SP2: variants seen among roughly 807,000 people sequenced by gnomAD.
SP2 encodes transcription factor Sp2.
Under a neutral mutation model 50.1 loss-of-function variants are expected in SP2, and 9 were observed. The observed-to-expected ratio is 0.18, with a 90% CI of 0.11 to 0.31. The LOEUF (loss-of-function observed/expected upper bound fraction) is 0.31. Ranked by LOEUF, SP2 falls within the 10% of genes least tolerant of loss-of-function variation. SP2 has a pLI of 1.00. For synonymous variants in SP2, 313 were observed against 326.6 expected, an observed-to-expected ratio of 0.96 and a Z score of 0.45; for missense variants, 581 against 806.5, an observed-to-expected ratio of 0.72 and a Z score of 3.39.
chr17:47,896,242 T>TCGGTGGCGG lies in SP2; in HGVS notation c.-41_-33dup, dbSNP rs1249396077. ...TTGCTTGGCGGGCGGTGTCAGGCTC[T>TCGGTGGCGG]CGGTGGCGGCGGAGGCGGCGGAGGC... On this transcript the variant is annotated 5_prime_UTR_variant, in exon 1 of 7. Transcript: ENST00000376741. The TCGGTGGCGG allele has an allele frequency of 2.4e-6, 3 of 1,239,198 alleles. No individual in the cohort carries two copies. The highest frequency in any genetic ancestry group is 1.5e-5 in the African/African-American group (1 of 64,580). The allele number at this position is 1,239,198 out of a possible 1,614,324, so 76.8% of individuals were successfully genotyped here.
Position 47,920,146 on chromosome 17 carries a change from C to T in SP2, c.1060-2816C>T, listed in dbSNP as rs535937081. 5.3e-4 allele frequency among the ~76,000 whole-genome samples: 80 copies of T among 151,360 alleles called. 2 individuals carry two copies. In the South Asian group the frequency reaches 0.016, roughly 30 times the overall value. ...CATTGGCAGCTCTTTCAGGTCGGCT[C>T]TTTTTTTCTCTTTGGCCATTGGCAG... On this transcript the variant is annotated intron_variant, in intron 3 of 6. Transcript: ENST00000376741.
intron 1 of SP2, among the ~76,000 whole-genome samples, chr17:47,905,937 TG>T (rs2034743084): frequency 6.6e-6 from 1 of 152,000 alleles, no homozygotes; most frequent in African/African-American, 2.4e-5. Flanking sequence ...AATGAAAAAC[TG>T]AAGTGTGTGT....
At chr17:47,917,164 C>T in intron 3 of SP2, 34 bp downstream of exon 3, 1 of 1,548,774 alleles carries the variant, frequency 6.5e-7, no homozygotes, top group East Asian at 2.3e-5. Context: ...TCCTTCTCCT[C>T]CTCTGGTTAT....
In SP2 at chr17:47,928,835, G is replaced by A. The variant is rs559909633; in HGVS notation, c.*1011G>A. ...TTATTTTTAGTTGTAACTGCTTGAG[G>A]TATGTTTTATGAATTAAGTGACAGA... On this transcript the variant is annotated 3_prime_UTR_variant, in exon 7 of 7. Transcript: ENST00000376741. 1 of 152,734 alleles carries A rather than the reference G, an allele frequency of 6.5e-6. No individual in the cohort carries two copies. The highest frequency in any genetic ancestry group is 6.5e-5 in the Admixed American group (1 of 15,300). The allele number at this position is 152,734 out of a possible 1,614,324, so 9.5% of individuals were successfully genotyped here.
At chr17:47,899,221 A>G (rs562016720) in intron 1 of SP2, 134 of 152,326 alleles carry the variant, frequency 8.8e-4, no homozygotes, top group African/African-American at 2.8e-3. Flanking sequence ...CTCTTCCTCA[A>G]TTATCAGCAG....
At chr17:47,915,441 T>A in intron 2 of SP2, 53 bp downstream of exon 2, 1 of 1,212,032 alleles carries the variant, frequency 8.3e-7, no homozygotes, top group South Asian at 1.3e-5. Context: ...CTGGACAGAC[T>A]CACCGAAAAC....
At chr17:47,925,930 T>TTTTTTTTTTTTTTTTTTTC (rs2035628780) in intron 6 of SP2, among the ~76,000 whole-genome samples, 5 of 107,136 alleles carry the variant, frequency 4.7e-5, no homozygotes, top group African/African-American at 1.7e-4. Context: ...TTTTTTTTTT[T>TTTTTTTTTTTTTTTTTTTC]TTTGGAGATG....
At chr17:47,925,578 G>T (rs535235490) in intron 6 of SP2, 37 bp downstream of exon 6, 1 of 1,569,746 alleles carries the variant, frequency 6.4e-7, no homozygotes, top group African/African-American at 1.3e-5. Flanking sequence ...CACCCACAGA[G>T]GTCAAATTCC....
rs1054836818 is a variant in SP2 at position 47,896,350 on chromosome 17, G to A, written c.7+57G>A. 1.3e-5 allele frequency: 16 copies of A among 1,226,364 alleles called. No individual in the cohort carries two copies. In the African/African-American group the frequency reaches 2.3e-4, roughly 18 times the overall value. The allele number at this position is 1,226,364 out of a possible 1,614,324, so 76.0% of individuals were successfully genotyped here. On this transcript the variant is annotated intron_variant, in intron 1 of 6. Transcript: ENST00000376741. The stretch of plus-strand genomic sequence containing the variant: ...CCGGCCCCCAAGGGTCAGGAAGACG[G>A]GCAGAGGCCGCGGGGAGAGGGAGCC...
Position 47,927,794 on chromosome 17 carries a change from C to T in SP2, c.1812C>T (p.Tyr604=). Residue 604 remains tyrosine (Y), a synonymous_variant, in exon 7 of 7, where the codon TAC becomes TAT. Coordinates refer to ENST00000376741, the MANE Select transcript of SP2 (RefSeq NM_003110.6). ...GGAGTGACCACCTCACCAAGCATTA[C>T]AAGACCCACCTGGTCACGAAGAACT... is the stretch of plus-strand genomic sequence containing the variant. ...FMRSDHLTKH[Y]KTHLVTKNL is the part of the protein sequence containing the mutation. The T allele has an allele frequency of 6.3e-7, 1 of 1,597,794 alleles. No individual in the cohort carries two copies. The highest frequency in any genetic ancestry group is 8.5e-7 in the Non-Finnish European group (1 of 1,171,728).
intron 1 of SP2, among the ~76,000 whole-genome samples, chr17:47,915,086 G>T (rs61216788): frequency 6.6e-6 from 1 of 151,868 alleles, no homozygotes. Flanking sequence ...TGGTGGCAGC[G>T]CCTGTAATCC....
intron 1 of SP2, among the ~76,000 whole-genome samples, chr17:47,903,807 A>G (rs957809474): frequency 1.3e-5 from 2 of 151,742 alleles, no homozygotes; most frequent in African/African-American, 4.8e-5. Context: ...CTACTAAAAT[A>G]CAAAAAATCA....
chr17:47,930,954 T>C (rs2035806347), downstream of SP2, among the ~76,000 whole-genome samples: 1 of 151,862 alleles, frequency 6.6e-6, no homozygotes, highest in African/African-American at 2.4e-5. Flanking sequence ...CAAAGGCAAA[T>C]CCAGGCATTA....
Position 47,924,661 on chromosome 17 carries a change from A to C in SP2, c.1373-258A>C, listed in dbSNP as rs2144069093. Among the ~76,000 whole-genome samples the C allele has an allele frequency of 3.3e-5, 5 of 152,276 alleles. No individual in the cohort carries two copies. In the East Asian group the frequency reaches 9.7e-4, roughly 29 times the overall value. On this transcript the variant is annotated intron_variant, in intron 4 of 6. Transcript: ENST00000376741. ...GGTTCAGATCTGGGTTCTACCACTTACTAGCTGTGTGATCTTGATATGTTA... is the reference window on the plus strand; with the variant it reads ...GGTTCAGATCTGGGTTCTACCACTTCCTAGCTGTGTGATCTTGATATGTTA...
rs201494377 is a variant in SP2 at position 47,902,128 on chromosome 17, GA to G, written c.7+5836del. Among the ~76,000 whole-genome samples the G allele has an allele frequency of 3.9e-3, 596 of 152,220 alleles. 3 individuals carry two copies. Among genetic ancestry groups the G allele is most frequent in the African/African-American group, 0.014 (574 of 41,514 alleles). On this transcript the variant is annotated intron_variant, in intron 1 of 6. Coordinates refer to ENST00000376741, the MANE Select transcript of SP2 (RefSeq NM_003110.6). The stretch of plus-strand genomic sequence containing the variant: ...TAAAACCCTGAAGGAGTGGGGAGGA[GA>G]TTGAGCCTTTTTCTATCTGGGGTGA...
chr17:47,897,332 T>A (rs1289892899), intron 1 of SP2: 14 of 152,246 alleles, frequency 9.2e-5, no homozygotes, highest in Admixed American at 9.2e-4. Context: ...TCCTGTCATG[T>A]TTGTTTCTTA....
chr17:47,915,940 GAGAA>G (rs2143951014), intron 2 of SP2, among the ~76,000 whole-genome samples: 1 of 152,218 alleles, frequency 6.6e-6, no homozygotes, highest in South Asian at 2.1e-4. Context: ...GTTCCTTCCT[GAGAA>G]AGACATTGCC....
rs1201103143 is a variant in SP2 at position 47,926,247 on chromosome 17, G to A, written c.1741+706G>A. Among the ~76,000 whole-genome samples the A allele has an allele frequency of 2.0e-5, 3 of 151,600 alleles. No homozygotes were observed. The East Asian group carries it at 5.8e-4, about 29-fold the overall frequency. ...TGCCCATTTTACTGAGGCATGGAGA[G>A]CTGGCCCAGTCACACAGCTAGTGAC... On this transcript the variant is annotated intron_variant, in intron 6 of 6. Coordinates refer to ENST00000376741, the MANE Select transcript of SP2 (RefSeq NM_003110.6).
chr17:47,927,045 G>A (rs2035678105), intron 6 of SP2, among the ~76,000 whole-genome samples: 1 of 152,206 alleles, frequency 6.6e-6, no homozygotes, highest in Non-Finnish European at 1.5e-5. Flanking sequence ...AGGTCAGGGT[G>A]GAGGGGGATT....
Sources: gnomAD v4.1 joint callset for allele counts (sites outside exome capture counted in the v4.1 genomes callset) on GRCh38, gnomAD v4.1.1 for gene constraint, MANE v1.5 for transcripts, NCBI Gene and HGNC (gene_info 2026-07-23, HGNC 2026-07-21) for gene names.